MTUS2: variants seen among roughly 807,000 people sequenced by gnomAD.
MTUS2 encodes microtubule-associated tumor suppressor candidate 2.
MTUS2 carries 40 observed loss-of-function variants against 114.1 expected under a neutral mutation model. The observed-to-expected ratio is 0.35, with a 90% CI of 0.27 to 0.46. The LOEUF (loss-of-function observed/expected upper bound fraction) is 0.46. Ranked by LOEUF, MTUS2 falls within the 20% of genes least tolerant of loss-of-function variation. MTUS2 has a pLI of 1.00. For synonymous variants in MTUS2, 688 were observed against 672.0 expected (o/e 1.02, Z -0.37); for missense variants, 1,679 against 1,705.4 (o/e 0.98, Z 0.27).
intron 1 of MTUS2, among the ~76,000 whole-genome samples, chr13:28,832,229 G>T (rs1244490668): frequency 1.3e-5 from 2 of 152,134 alleles, no homozygotes; most frequent in African/African-American, 4.8e-5. Context: ...GTTCTTAAAT[G>T]CCTGTAGGAA....
intron 2 of MTUS2, among the ~76,000 whole-genome samples, chr13:28,872,642 G>A (rs1023195014): frequency 2.6e-5 from 4 of 152,124 alleles, no homozygotes; most frequent in African/African-American, 9.7e-5. Flanking sequence ...GGGTGGGAGG[G>A]AGCTGGTTTA....
chr13:29,432,318 C>T (rs1042421787), intron 8 of MTUS2, among the ~76,000 whole-genome samples: 1 of 152,134 alleles, frequency 6.6e-6, no homozygotes, highest in Non-Finnish European at 1.5e-5. Flanking sequence ...TCAACCTGAT[C>T]CAGGATGAAG....
At chr13:29,043,788 G>A (rs111284607) in intron 4 of MTUS2, among the ~76,000 whole-genome samples, 2 of 79,058 alleles carry the variant, frequency 2.5e-5, no homozygotes, top group Non-Finnish European at 5.5e-5. Flanking sequence ...AAGTCTGATA[G>A]ACTTTATATC....
rs569756955 is a variant in MTUS2 at position 29,444,620 on chromosome 13, A to G, written c.3184+4571A>G. 5.3e-5 allele frequency among the ~76,000 whole-genome samples: 8 copies of G among 152,296 alleles called. No individual in the cohort carries two copies. The South Asian group carries it at 1.2e-3, about 24-fold the overall frequency. On this transcript the variant is annotated intron_variant, in intron 9 of 15. Coordinates refer to ENST00000612955, the MANE Select transcript of MTUS2 (RefSeq NM_001033602.4). ...TAAGTACAGTGAAGTTGGAGATTCA[A>G]TGAACTACACTGAAGGAACAGGGAG...
chr13:28,959,058 T>G (rs114213029), intron 2 of MTUS2, among the ~76,000 whole-genome samples: 85 of 152,278 alleles, frequency 5.6e-4, no homozygotes, highest in African/African-American at 1.9e-3. Context: ...TCCCTGGGCT[T>G]GCTTCTTGCC....
chr13:29,183,042 A>G (rs1023714015), intron 5 of MTUS2, among the ~76,000 whole-genome samples: 1 of 152,190 alleles, frequency 6.6e-6, no homozygotes, highest in African/African-American at 2.4e-5. Context: ...AGCCAGTGGA[A>G]AGTTTTGAGC....
chr13:29,338,439 A>AAG (rs1470496766), intron 7 of MTUS2, among the ~76,000 whole-genome samples: 1 of 151,620 alleles, frequency 6.6e-6, no homozygotes, highest in Non-Finnish European at 1.5e-5. Context: ...TACAAAAAAA[A>AAG]ATTAGCTGGG....
intron 9 of MTUS2, among the ~76,000 whole-genome samples, chr13:29,445,268 A>G (rs765848738): frequency 3.9e-5 from 6 of 152,100 alleles, no homozygotes; most frequent in African/African-American, 1.4e-4. Context: ...CTGATGGCCA[A>G]TTCTTCCTCA....
intron 4 of MTUS2, among the ~76,000 whole-genome samples, chr13:29,088,696 T>A (rs1173224177): frequency 3.9e-5 from 6 of 152,248 alleles, no homozygotes; most frequent in Non-Finnish European, 8.8e-5. Context: ...ATTGAACCCT[T>A]TATGATTATG....
intron 2 of MTUS2, among the ~76,000 whole-genome samples, chr13:28,912,093 A>G (rs1880473673): frequency 6.6e-6 from 1 of 151,932 alleles, no homozygotes; most frequent in Admixed American, 6.6e-5. Flanking sequence ...TGTGTCCTCA[A>G]TGGTATTTTC....
chr13:29,332,633 CTTTT>C (rs58161086), intron 7 of MTUS2, among the ~76,000 whole-genome samples: 10 of 113,696 alleles, frequency 8.8e-5, no homozygotes, highest in African/African-American at 2.7e-4. Context: ...TTCTCTAATT[CTTTT>C]TTTTTTTTTT....
chr13:28,996,123 G>A (rs1012156278), intron 2 of MTUS2, among the ~76,000 whole-genome samples: 3 of 152,096 alleles, frequency 2.0e-5, no homozygotes, highest in Non-Finnish European at 4.4e-5. Flanking sequence ...GTTGAATTTT[G>A]TCAAAGGCCT....
intron 7 of MTUS2, among the ~76,000 whole-genome samples, chr13:29,342,397 GT>G (rs1566142411): frequency 6.6e-6 from 1 of 151,720 alleles, no homozygotes; most frequent in Non-Finnish European, 1.5e-5. Flanking sequence ...ATTTCCAAGT[GT>G]TTTTTTGTTT....
At chr13:29,077,766 C>T (rs751973316) in intron 4 of MTUS2, among the ~76,000 whole-genome samples, 1 of 152,188 alleles carries the variant, frequency 6.6e-6, no homozygotes, top group Non-Finnish European at 1.5e-5. Context: ...CATTTACTTT[C>T]TTAACTTCTT....
In MTUS2 at chr13:29,105,335, G is replaced by A. The variant is rs566364916; in HGVS notation, c.2644+4365G>A. 4.1e-4 allele frequency among the ~76,000 whole-genome samples: 63 copies of A among 152,244 alleles called. No homozygotes were observed. The South Asian group carries it at 0.013, about 31-fold the overall frequency. ...AACATGTGCGGAGGGAAAATAGGAT[G>A]ACTTAGGTTTCATAAATTAATCATT... On this transcript the variant is annotated intron_variant, in intron 5 of 15. Coordinates refer to ENST00000612955, the MANE Select transcript of MTUS2 (RefSeq NM_001033602.4).
At chr13:29,066,354 C>G (rs1266253869) in intron 4 of MTUS2, among the ~76,000 whole-genome samples, 1 of 152,196 alleles carries the variant, frequency 6.6e-6, no homozygotes, top group Non-Finnish European at 1.5e-5. Context: ...TTTAAAACAT[C>G]AAGATCTCTT....
intron 2 of MTUS2, among the ~76,000 whole-genome samples, chr13:28,976,694 G>T (rs1449719766): frequency 6.6e-6 from 1 of 152,144 alleles, no homozygotes; most frequent in Non-Finnish European, 1.5e-5. Context: ...TTGTAACAGT[G>T]ATTGGCAATA....
At chr13:28,866,181 A>C (rs546100107) in intron 2 of MTUS2, among the ~76,000 whole-genome samples, 35 of 152,300 alleles carry the variant, frequency 2.3e-4, no homozygotes, top group African/African-American at 8.4e-4. Context: ...ACATGTGAGC[A>C]CGGAGCTTGT....
intron 2 of MTUS2, among the ~76,000 whole-genome samples, chr13:28,914,657 C>T (rs998995111): frequency 2.0e-5 from 3 of 151,730 alleles, no homozygotes; most frequent in East Asian, 1.9e-4. Flanking sequence ...TTTTCTGTCT[C>T]GATGATCTAA....
Sources: allele counts gnomAD v4.1 joint callset (sites outside exome capture counted in the v4.1 genomes callset), GRCh38; gene constraint gnomAD v4.1.1; transcripts MANE v1.5; gene names NCBI Gene and HGNC (gene_info 2026-07-23, HGNC 2026-07-21).